MIEF1: variants seen among roughly 807,000 people sequenced by gnomAD.
MIEF1 encodes mitochondrial elongation factor 1, also known as mitochondrial dynamics protein MIEF1.
A neutral mutation model predicts 35.1 loss-of-function variants in MIEF1; 14 were observed. The ratio of observed to expected loss-of-function variants is 0.40; its 90% CI spans 0.26 to 0.62. MIEF1 has a LOEUF of 0.62. MIEF1 is among the 20% of genes least tolerant of loss of function. The pLI is 0.43. For synonymous variants in MIEF1, 245 were observed against 254.3 expected (o/e 0.96, Z 0.35); for missense variants, 542 against 615.4 (o/e 0.88, Z 1.26).
chr22:39,502,570 C>G (rs1321590087), intron 1 of MIEF1, 133 bp downstream of exon 1: 3 of 152,284 alleles, frequency 2.0e-5, no homozygotes, highest in Admixed American at 1.3e-4. Context: ...GGGGTCTCGC[C>G]CCATCCCGCC....
intron 2 of MIEF1, chr22:39,509,346 A>C (rs572818574): frequency 5.3e-5 from 8 of 152,282 alleles, no homozygotes; most frequent in African/African-American, 1.9e-4. Flanking sequence ...AGGACACGGG[A>C]TATTATAGAG....
At position 39,515,515 on chromosome 22, in the gene MIEF1, G is replaced by C. The variant is rs867818594; in HGVS notation, c.*1192G>C. The C allele has an allele frequency of 1.3e-4, 77 of 605,592 alleles. No individual in the cohort carries two copies. Among genetic ancestry groups the C allele is most frequent in the African/African-American group, 1.2e-3 (66 of 53,844 alleles). The allele number at this position is 605,592 out of a possible 1,614,324, so 37.5% of individuals were successfully genotyped here. A position where few individuals can be genotyped will look rare whatever the true frequency, so the allele number is the denominator to read the frequency against. ...GAGCATGCACGGACCTCTTCCCCCTGTCCTGTTTCTCACCCAGCACCTGGG... is the reference window on the plus strand; with the variant it reads ...GAGCATGCACGGACCTCTTCCCCCTCTCCTGTTTCTCACCCAGCACCTGGG... On this transcript the variant is annotated 3_prime_UTR_variant, in exon 6 of 6. Coordinates refer to ENST00000325301, the MANE Select transcript of MIEF1 (RefSeq NM_019008.6).
intron 2 of MIEF1, among the ~76,000 whole-genome samples, chr22:39,505,945 A>G (rs1929993603): frequency 2.0e-5 from 3 of 152,168 alleles, no homozygotes; most frequent in African/African-American, 4.8e-5. Flanking sequence ...AAGTAGGAAG[A>G]GAGCCTTATG....
intron 3 of MIEF1, 139 bp downstream of exon 3, chr22:39,511,577 A>T: frequency 7.6e-7 from 1 of 1,308,142 alleles, no homozygotes; most frequent in Non-Finnish European, 1.0e-6. Context: ...TTTCAAAAGT[A>T]TGTATAGAGT....
chr22:39,507,173 C>G (rs188807309), intron 2 of MIEF1, among the ~76,000 whole-genome samples: 4 of 152,230 alleles, frequency 2.6e-5, no homozygotes, highest in East Asian at 3.9e-4. Context: ...GTCTTCTGTT[C>G]CAGGTCACCA....
At chr22:39,507,418 T>TG (rs1479680590) in intron 2 of MIEF1, among the ~76,000 whole-genome samples, 1 of 151,824 alleles carries the variant, frequency 6.6e-6, no homozygotes, top group Non-Finnish European at 1.5e-5. Context: ...GCTAATTTTT[T>TG]GTGTTTTTAG....
intron 2 of MIEF1, among the ~76,000 whole-genome samples, chr22:39,507,323 G>A (rs1413332299): frequency 6.6e-6 from 1 of 151,990 alleles, no homozygotes; most frequent in East Asian, 2.0e-4. Flanking sequence ...TTGGCTCACT[G>A]CAACCTCTGC....
intron 1 of MIEF1, chr22:39,503,249 C>T (rs1288692499): frequency 6.6e-6 from 1 of 152,140 alleles, no homozygotes; most frequent in Admixed American, 6.5e-5. Flanking sequence ...CAAGTTACTT[C>T]CCTCTGGGAG....
Position 39,516,396 on chromosome 22 carries a change from C to T in MIEF1, c.*2073C>T, listed in dbSNP as rs996650608. 4.6e-5 allele frequency: 7 copies of T among 152,304 alleles called. No homozygotes were observed. Among genetic ancestry groups the T allele is most frequent in the Admixed American group, 3.3e-4 (5 of 15,300 alleles). 9.4% of individuals were successfully genotyped at this position (152,304 alleles called of 1,614,324 possible). A position where few individuals can be genotyped will look rare whatever the true frequency, so the allele number is the denominator to read the frequency against. The stretch of plus-strand genomic sequence containing the variant: ...GTTTTCCCAAGCTTGCATCTCTGAC[C>T]AAATTTCACATAAAACATTGGAAGG... On this transcript the variant is annotated 3_prime_UTR_variant, in exon 6 of 6. Transcript: ENST00000325301.
intron 2 of MIEF1, among the ~76,000 whole-genome samples, chr22:39,510,886 A>G (rs1463802300): frequency 6.6e-6 from 1 of 152,030 alleles, no homozygotes. Flanking sequence ...GACCTGCATT[A>G]TAACCCCTGT....
chr22:39,514,194 T>G lies in MIEF1; in HGVS notation c.1263T>G (p.Ala421=). The part of the protein sequence containing the change: ...ALRGLISYLE[A]GVLPSALNPK... The stretch of plus-strand genomic sequence containing the variant: ...GGGGACTTATCAGCTACTTAGAGGC[T>G]GGAGTCCTGCCCAGTGCCCTAAACC... Residue 421 remains alanine, a synonymous_variant, in exon 6 of 6, where the codon GCT becomes GCG. Transcript: ENST00000325301. The G allele has an allele frequency of 1.2e-6, 2 of 1,614,242 alleles. No homozygotes were observed. The highest frequency in any genetic ancestry group is 2.2e-5 in the South Asian group (2 of 91,086).
chr22:39,509,148 G>T (rs1202219375), intron 2 of MIEF1, among the ~76,000 whole-genome samples: 1 of 152,034 alleles, frequency 6.6e-6, no homozygotes, highest in Non-Finnish European at 1.5e-5. Flanking sequence ...TAGAGATGGG[G>T]TTTCACTATG....
At position 39,511,760 on chromosome 22, in the gene MIEF1, C is replaced by T. The variant is rs887433454; in HGVS notation, c.145-89C>T. On this transcript the variant is annotated intron_variant, in intron 3 of 5. Coordinates refer to ENST00000325301, the MANE Select transcript of MIEF1 (RefSeq NM_019008.6). The stretch of plus-strand genomic sequence containing the variant: ...AAAACAAAATTACTAAAAGAACTTA[C>T]TAGGACAGAGCTTCTGGGGAGGAAG... The T allele has an allele frequency of 1.2e-5, 17 of 1,470,716 alleles. No individual in the cohort carries two copies. The African/African-American group carries it at 1.6e-4, about 13-fold the overall frequency. The allele number at this position is 1,470,716 out of a possible 1,614,324, so 91.1% of individuals were successfully genotyped here. A position where few individuals can be genotyped will look rare whatever the true frequency, so the allele number is the denominator to read the frequency against.
At chr22:39,503,926 A>G (rs918510936) in intron 1 of MIEF1, 5 of 272,592 alleles carry the variant, frequency 1.8e-5, no homozygotes, top group Middle Eastern at 1.0e-3. Context: ...TAAGTGAGGA[A>G]GCTGGTGCTC....
rs935305275 is a variant in MIEF1 at position 39,514,445 on chromosome 22, C to T, written c.*122C>T. On this transcript the variant is annotated 3_prime_UTR_variant, in exon 6 of 6. Transcript: ENST00000325301. ...GCCTGGTGTCTTGCTGATCATCACC[C>T]TGGTCACTTCATGCTGATTAGAATG... 1.1e-6 allele frequency: 1 copy of T among 882,774 alleles called. No individual in the cohort carries two copies. 54.7% of individuals were successfully genotyped at this position (882,774 alleles called of 1,614,324 possible). A position where few individuals can be genotyped will look rare whatever the true frequency, so the allele number is the denominator to read the frequency against.
intron 2 of MIEF1, among the ~76,000 whole-genome samples, chr22:39,505,811 TG>T (rs2145742953): frequency 6.6e-6 from 1 of 152,182 alleles, no homozygotes; most frequent in African/African-American, 2.4e-5. Context: ...AAACACAGTG[TG>T]TACAGCAGTG....
rs1479959306 is a variant in MIEF1 at position 39,502,292 on chromosome 22, T to G, written c.-485T>G. The G allele has an allele frequency of 1.3e-5, 2 of 152,340 alleles. No homozygotes were observed. Among genetic ancestry groups the G allele is most frequent in the East Asian group, 3.9e-4 (2 of 5,186 alleles). The allele number at this position is 152,340 out of a possible 1,614,324, so 9.4% of individuals were successfully genotyped here. On this transcript the variant is annotated 5_prime_UTR_variant, in exon 1 of 6. Transcript: ENST00000325301. Reference sequence around the variant, plus strand: ...AGACCGGAAGTCCCTCCGCCTCCACTCGCCCTCGTGCTCCCTTCAGCCCCT... The same window carrying G: ...AGACCGGAAGTCCCTCCGCCTCCACGCGCCCTCGTGCTCCCTTCAGCCCCT...
intron 5 of MIEF1, 96 bp from the exon 6 acceptor site, chr22:39,513,421 C>G: frequency 6.9e-6 from 9 of 1,295,516 alleles, no homozygotes; most frequent in Non-Finnish European, 9.6e-6. Flanking sequence ...CCCATTCTTG[C>G]TGGGGGGGAA....
chr22:39,509,981 G>A (rs754485171), intron 2 of MIEF1, among the ~76,000 whole-genome samples: 21 of 152,132 alleles, frequency 1.4e-4, no homozygotes, highest in Non-Finnish European at 2.6e-4. Flanking sequence ...TTTTTGAGAC[G>A]GAGTTTAGCT....
Sources: gnomAD v4.1 joint callset for allele counts (sites outside exome capture counted in the v4.1 genomes callset) on GRCh38, gnomAD v4.1.1 for gene constraint, MANE v1.5 for transcripts, NCBI Gene and HGNC (gene_info 2026-07-23, HGNC 2026-07-21) for gene names.